Variants in HMGB1 observed in about 807,000 individuals in gnomAD.
The protein encoded by HMGB1 is high mobility group protein B1.
For missense variants in HMGB1, 79 were observed against 253.5 expected (o/e 0.31, Z 4.67); for synonymous variants, 81 against 84.0 (o/e 0.96, Z 0.19).
chr13:30,595,314 A>G (rs368502638), intron 1 of HMGB1, among the ~76,000 whole-genome samples: 21 of 152,200 alleles, frequency 1.4e-4, no homozygotes, highest in African/African-American at 4.3e-4. Context: ...CTTTCCAAAC[A>G]GAAGCAATAG....
upstream of HMGB1, chr13:30,466,067 T>G: frequency 1.9e-6 from 1 of 512,974 alleles, no homozygotes; most frequent in Non-Finnish European, 2.5e-6. Flanking sequence ...TCATCAAGGA[T>G]TGAAACAGCG....
chr13:30,505,585 A>G (rs1343917971), intron 1 of HMGB1, among the ~76,000 whole-genome samples: 1 of 152,126 alleles, frequency 6.6e-6, no homozygotes, highest in Non-Finnish European at 1.5e-5. Context: ...TTCTGGGATT[A>G]CAGGTGTGAG....
chr13:30,608,451 A>G (rs1950481595), intron 1 of HMGB1, among the ~76,000 whole-genome samples: 1 of 152,212 alleles, frequency 6.6e-6, no homozygotes, highest in Non-Finnish European at 1.5e-5. Flanking sequence ...TGAGGGCATG[A>G]GGAAAGCTCT....
chr13:30,464,368 G>A, intron 1 of HMGB1: 2 of 985,442 alleles, frequency 2.0e-6, no homozygotes, highest in African/African-American at 1.7e-5. Context: ...AAACAAGGAT[G>A]AGGGACAAAA....
chr13:30,575,441 T>C (rs2137537532), intron 1 of HMGB1, among the ~76,000 whole-genome samples: 1 of 152,196 alleles, frequency 6.6e-6, no homozygotes, highest in East Asian at 1.9e-4. Context: ...TCTGTTCAAT[T>C]CATTAATACC....
At chr13:30,486,878 A>G (rs553303440) in intron 1 of HMGB1, among the ~76,000 whole-genome samples, 14 of 152,284 alleles carry the variant, frequency 9.2e-5, no homozygotes, top group African/African-American at 2.9e-4. Context: ...AGCTGCTCCA[A>G]CAGATACAGT....
At chr13:30,491,233 T>C (rs1025131803) in intron 1 of HMGB1, among the ~76,000 whole-genome samples, 2 of 152,126 alleles carry the variant, frequency 1.3e-5, no homozygotes, top group African/African-American at 4.8e-5. Flanking sequence ...TTTCACCATG[T>C]TAGCCAGGCT....
intron 1 of HMGB1, among the ~76,000 whole-genome samples, chr13:30,601,913 T>G (rs1593339043): frequency 6.6e-6 from 1 of 152,106 alleles, no homozygotes; most frequent in Non-Finnish European, 1.5e-5. Context: ...CTAAGACTAG[T>G]CCTTAAGAGA....
chr13:30,545,280 G>A (rs1360244250), intron 1 of HMGB1, among the ~76,000 whole-genome samples: 5 of 151,962 alleles, frequency 3.3e-5, no homozygotes, highest in African/African-American at 7.2e-5. Context: ...AAAACAAAAC[G>A]ACAATAACAA....
intron 1 of HMGB1, among the ~76,000 whole-genome samples, chr13:30,524,346 A>AG (rs1888313078): frequency 2.7e-5 from 1 of 37,600 alleles, no homozygotes; most frequent in Non-Finnish European, 5.9e-5. Flanking sequence ...TTAAAAAAAA[A>AG]AAAAAAAAAA....
chr13:30,502,333 C>T (rs1887751961), intron 1 of HMGB1, among the ~76,000 whole-genome samples: 1 of 152,180 alleles, frequency 6.6e-6, no homozygotes, highest in Non-Finnish European at 1.5e-5. Flanking sequence ...CAAGTTAACA[C>T]ATATGCTCAC....
chr13:30,569,948 A>T (rs570539984), intron 1 of HMGB1, among the ~76,000 whole-genome samples: 2 of 152,346 alleles, frequency 1.3e-5, no homozygotes, highest in Non-Finnish European at 2.9e-5. Context: ...CAGCAGCAAC[A>T]GTTCCCTAGC....
chr13:30,555,751 T>C (rs1413844281), intron 1 of HMGB1, among the ~76,000 whole-genome samples: 1 of 152,250 alleles, frequency 6.6e-6, no homozygotes, highest in African/African-American at 2.4e-5. Flanking sequence ...AGTTTAGATA[T>C]CAATATCTCA....
chr13:30,548,969 T>C (rs959807705), intron 1 of HMGB1, among the ~76,000 whole-genome samples: 7 of 152,178 alleles, frequency 4.6e-5, no homozygotes, highest in African/African-American at 1.7e-4. Flanking sequence ...GCTTTCTTTC[T>C]TGATGTACTG....
intron 1 of HMGB1, among the ~76,000 whole-genome samples, chr13:30,480,988 C>T (rs1414802128): frequency 6.6e-6 from 1 of 151,798 alleles, no homozygotes; most frequent in African/African-American, 2.4e-5. Flanking sequence ...TGGTTTCCTG[C>T]TCTGCCTTTT....
chr13:30,608,302 TAAC>T (rs1475653302), intron 1 of HMGB1, among the ~76,000 whole-genome samples: 2 of 152,088 alleles, frequency 1.3e-5, no homozygotes, highest in African/African-American at 4.8e-5. Flanking sequence ...ATTTGTTACA[TAAC>T]AAAATATAAC....
chr13:30,478,463 C>A (rs996443726), intron 1 of HMGB1, among the ~76,000 whole-genome samples: 23 of 152,138 alleles, frequency 1.5e-4, no homozygotes, highest in Non-Finnish European at 2.8e-4. Context: ...CTTTATGATG[C>A]ATTATTATCA....
chr13:30,538,510 CCTTT>C (rs1180290795), intron 1 of HMGB1, among the ~76,000 whole-genome samples: 12 of 82,266 alleles, frequency 1.5e-4, no homozygotes, highest in South Asian at 1.0e-3. Flanking sequence ...TTCTTTCTTT[CCTTT>C]CTTTCTTTCC....
intron 1 of HMGB1, among the ~76,000 whole-genome samples, chr13:30,471,739 G>A (rs1161692108): frequency 1.5e-5 from 2 of 132,566 alleles, no homozygotes; most frequent in African/African-American, 5.8e-5. Flanking sequence ...CACCATCTCG[G>A]CTCACTGCAA....
Sources: gnomAD v4.1 joint callset for allele counts (sites outside exome capture counted in the v4.1 genomes callset) on GRCh38, gnomAD v4.1.1 for gene constraint, MANE v1.5 for transcripts, NCBI Gene and HGNC (gene_info 2026-07-23, HGNC 2026-07-21) for gene names.